MICALL1: variants seen among roughly 807,000 people sequenced by gnomAD.
MICALL1 encodes MICAL like 1, also known as MICAL-like protein 1.
Under a neutral mutation model 83.7 loss-of-function variants are expected in MICALL1, and 61 were observed. That is an observed-to-expected ratio of 0.73 (90% CI 0.59 to 0.90). MICALL1 has a LOEUF of 0.90. MICALL1 is among the 40% of genes least tolerant of loss of function. The pLI, the probability that MICALL1 is intolerant of heterozygous loss-of-function variation, is 0.00. For synonymous variants in MICALL1, 481 were observed against 473.6 expected (o/e 1.02, Z -0.20); for missense variants, 1,066 against 1,152.0 (o/e 0.93, Z 1.08).
chr22:37,926,114 G>A (rs1424133515), intron 8 of MICALL1, 71 bp downstream of exon 8: 1 of 1,486,670 alleles, frequency 6.7e-7, no homozygotes, highest in Non-Finnish European at 9.0e-7. Flanking sequence ...GGGAGGGGGT[G>A]TGGTGGGGCA....
At chr22:37,927,041 G>A (rs1279762012) in intron 8 of MICALL1, 2 of 283,976 alleles carry the variant, frequency 7.0e-6, no homozygotes. Flanking sequence ...TGGTGGCTGC[G>A]AGGGCTGCGT....
Position 37,906,596 on chromosome 22 carries a change from CGGCGCGG to C in MICALL1, c.146+33_146+39del. 1 of 1,126,208 alleles carries C rather than the reference CGGCGCGG, an allele frequency of 8.9e-7. No homozygotes were observed. Among genetic ancestry groups the C allele is most frequent in the Admixed American group, 5.0e-5 (1 of 20,130 alleles). The allele number at this position is 1,126,208 out of a possible 1,614,324, so 69.8% of individuals were successfully genotyped here. ...GAGTGCGGGGCCCCGGGCGAGCGGG[CGGCGCGG>C]GGCGGGCTGGGGCCGCGACCGCCGC... On this transcript the variant is annotated intron_variant, in intron 1 of 15. Coordinates refer to ENST00000215957, the MANE Select transcript of MICALL1 (RefSeq NM_033386.4). This position sits in a 1 kb window ranked among gnomAD's most constrained non-coding sequence, Gnocchi z 4.4.
intron 1 of MICALL1, among the ~76,000 whole-genome samples, chr22:37,911,398 C>G (rs530469060): frequency 1.5e-4 from 23 of 152,236 alleles, no homozygotes; most frequent in Non-Finnish European, 1.5e-4. Context: ...TGTGACACAC[C>G]TGCAGGGGCC....
At chr22:37,929,396 A>T (rs946713547) in intron 9 of MICALL1, among the ~76,000 whole-genome samples, 1 of 152,104 alleles carries the variant, frequency 6.6e-6, no homozygotes, top group Non-Finnish European at 1.5e-5. Context: ...TATAATGTAC[A>T]TGCTGCTGTG....
Position 37,927,496 on chromosome 22 carries a change from G to A in MICALL1, c.1551G>A (p.Glu517=), listed in dbSNP as rs766369657. Residue 517 remains glutamate (E), a synonymous_variant, in exon 9 of 16, where the codon GAG becomes GAA. Transcript: ENST00000215957. ...TCAGCGTGGAGAGCCTGTCGTCTGA[G>A]AGCGCCAGCCAGACTGCAGGTGCAG... The part of the protein sequence containing the change: ...PALSVESLSS[E]SASQTAGAEL... The A allele has an allele frequency of 9.9e-6, 16 of 1,612,278 alleles. No individual in the cohort carries two copies. Among genetic ancestry groups the A allele is most frequent in the Non-Finnish European group, 1.4e-5 (16 of 1,178,614 alleles).
At position 37,932,643 on chromosome 22, in the gene MICALL1, G is replaced by A. The variant is rs777052470; in HGVS notation, c.2107G>A (p.Val703Met). 3.1e-6 allele frequency: 5 copies of A among 1,614,010 alleles called. No homozygotes were observed. In the Admixed American group the frequency reaches 6.7e-5, roughly 22 times the overall value. Reference protein sequence around the residue: ...RRLDALEHRGVLLEEKLRGGL... With the variant: ...RRLDALEHRGMLLEEKLRGGL... ...GCTGGATGCCCTGGAGCACCGTGGG[G>A]TGCTGCTGGAGGAGAAGCTGCGTGG... The change falls in exon 11 of 16, where the codon GTG (valine) becomes ATG (methionine). Residue 703 changes from valine (V) to methionine (M), a missense_variant. Coordinates refer to ENST00000215957, the MANE Select transcript of MICALL1 (RefSeq NM_033386.4). This position sits in a 1 kb window ranked among gnomAD's most constrained non-coding sequence, Gnocchi z 4.4.
chr22:37,923,254 A>T (rs989069788), intron 6 of MICALL1, among the ~76,000 whole-genome samples: 1 of 150,142 alleles, frequency 6.7e-6, no homozygotes, highest in African/African-American at 2.5e-5. Flanking sequence ...TTGAGACGGA[A>T]TCTCACTCTG....
At chr22:37,926,186 A>C in intron 8 of MICALL1, 143 bp downstream of exon 8, 1 of 1,069,120 alleles carries the variant, frequency 9.4e-7, no homozygotes, top group Non-Finnish European at 1.3e-6. Flanking sequence ...CCTAGAGCAA[A>C]CCTGTGAGTA....
intron 15 of MICALL1, among the ~76,000 whole-genome samples, chr22:37,940,048 C>T (rs1930348233): frequency 6.6e-6 from 1 of 151,938 alleles, no homozygotes; most frequent in Admixed American, 6.6e-5. Flanking sequence ...GAGACCGCAC[C>T]ATTGCACTCC....
rs1929749570 is a variant in MICALL1, at chr22:37,930,844, C to T, written c.1882-955C>T. 6.6e-6 allele frequency among the ~76,000 whole-genome samples: 1 copy of T among 152,218 alleles called. No individual in the cohort carries two copies. Among genetic ancestry groups the T allele is most frequent in the Non-Finnish European group, 1.5e-5 (1 of 68,036 alleles). On this transcript the variant is annotated intron_variant, in intron 9 of 15. Coordinates refer to ENST00000215957, the MANE Select transcript of MICALL1 (RefSeq NM_033386.4). This position sits in a 1 kb window ranked among gnomAD's most constrained non-coding sequence, Gnocchi z 4.8. ...ACTCCATCTGCTGGTCAAACACTTC[C>T]TGGCTGGGTGACCCTGGGTGAGGAA...
rs1004302082 is a variant in MICALL1, at chr22:37,930,046, G to A, written c.1882-1753G>A. 2.6e-5 allele frequency among the ~76,000 whole-genome samples: 4 copies of A among 152,228 alleles called. No homozygotes were observed. Among genetic ancestry groups the A allele is most frequent in the African/African-American group, 4.8e-5 (2 of 41,470 alleles). On this transcript the variant is annotated intron_variant, in intron 9 of 15. Transcript: ENST00000215957. The surrounding 1 kb of genome is among the most constrained non-coding windows in gnomAD (Gnocchi z 4.8). ...GCGGCACCAAGTGTCCTGAGTGCTC[G>A]AAAGACCCCCTGGTTCCTTGGTGGT...
chr22:37,935,168 G>A (rs759072935), intron 13 of MICALL1, among the ~76,000 whole-genome samples: 1 of 151,328 alleles, frequency 6.6e-6, no homozygotes, highest in Non-Finnish European at 1.5e-5. Context: ...TCCTGACCTC[G>A]TGATCCACCC....
chr22:37,936,147 C>T (rs1054280889), intron 13 of MICALL1, among the ~76,000 whole-genome samples: 1 of 152,164 alleles, frequency 6.6e-6, no homozygotes, highest in Non-Finnish European at 1.5e-5. Context: ...ACTAGGGCCC[C>T]AGTGGGCCCC....
rs1930458417 is a variant in MICALL1, at chr22:37,941,919, C to T, written c.*1089C>T. On this transcript the variant is annotated 3_prime_UTR_variant, in exon 16 of 16. Coordinates refer to ENST00000215957, the MANE Select transcript of MICALL1 (RefSeq NM_033386.4). The stretch of plus-strand genomic sequence containing the variant: ...AGCTATCTCTGGGATGCCTCTAGGC[C>T]CCCTTCCCTCTACACACCTCTGGGA... 6.6e-6 allele frequency: 1 copy of T among 152,106 alleles called. No homozygotes were observed. The highest frequency in any genetic ancestry group is 1.5e-5 in the Non-Finnish European group (1 of 68,038). 9.4% of individuals were successfully genotyped at this position (152,106 alleles called of 1,614,324 possible).
chr22:37,920,889 G>A (rs1415209513), intron 5 of MICALL1, among the ~76,000 whole-genome samples: 1 of 151,918 alleles, frequency 6.6e-6, no homozygotes, highest in Non-Finnish European at 1.5e-5. Flanking sequence ...TCACGCCACT[G>A]CACTCCGGCC....
intron 15 of MICALL1, among the ~76,000 whole-genome samples, chr22:37,939,988 G>A (rs914641597): frequency 2.6e-5 from 4 of 151,870 alleles, no homozygotes; most frequent in African/African-American, 9.7e-5. Context: ...TACTTGGGAG[G>A]CTAAGGCAGG....
rs1267292722 is a variant in MICALL1, at chr22:37,922,453, G to A, written c.1024+27G>A. 1.6e-5 allele frequency: 23 copies of A among 1,461,816 alleles called. No homozygotes were observed. The South Asian group carries it at 2.5e-4, about 16-fold the overall frequency. 90.6% of individuals were successfully genotyped at this position (1,461,816 alleles called of 1,614,324 possible). A position where few individuals can be genotyped will look rare whatever the true frequency, so the allele number is the denominator to read the frequency against. ...TGAGCAGGGTGCAGTCAGGGCAGGGGGCACCGGGTGGCAGTGCACTGTCTA... is the reference window on the plus strand; with the variant it reads ...TGAGCAGGGTGCAGTCAGGGCAGGGAGCACCGGGTGGCAGTGCACTGTCTA... On this transcript the variant is annotated intron_variant, in intron 6 of 15. Transcript: ENST00000215957.
intron 13 of MICALL1, among the ~76,000 whole-genome samples, chr22:37,933,480 G>T (rs1246139864): frequency 1.3e-5 from 2 of 152,182 alleles, no homozygotes; most frequent in Non-Finnish European, 2.9e-5. Context: ...GTGACCTTGG[G>T]CAGGATTCTT....
chr22:37,923,250 C>T (rs999598609), intron 6 of MICALL1, among the ~76,000 whole-genome samples: 28 of 150,764 alleles, frequency 1.9e-4, no homozygotes, highest in South Asian at 1.7e-3. Flanking sequence ...TTTTTTGAGA[C>T]GGAATCTCAC....
Sources: gnomAD v4.1 joint callset for allele counts (sites outside exome capture counted in the v4.1 genomes callset) on GRCh38, gnomAD v4.1.1 for gene constraint, Gnocchi (gnomAD v3.1) non-coding constraint, MANE v1.5 for transcripts, NCBI Gene and HGNC (gene_info 2026-07-23, HGNC 2026-07-21) for gene names.